The following N4BP1 variants were observed in gnomAD, a reference collection of about 807,000 sequenced individuals.
N4BP1 encodes the protein NEDD4 binding protein 1, also known as NEDD4-binding protein 1.
A neutral mutation model predicts 70.9 loss-of-function variants in N4BP1; 21 were observed. The observed-to-expected ratio is 0.30, with a 90% CI of 0.21 to 0.43. N4BP1 has a LOEUF of 0.43. Among genes scored for constraint, N4BP1 ranks in the 20% least tolerant of loss-of-function variants. The pLI is 1.00. For missense variants in N4BP1, 936 were observed against 1,069.4 expected (o/e 0.88, Z 1.74); for synonymous variants, 387 against 394.6 (o/e 0.98, Z 0.23).
intron 1 of N4BP1, among the ~76,000 whole-genome samples, chr16:48,588,500 G>A (rs1754236746): frequency 6.6e-6 from 1 of 151,976 alleles, no homozygotes; most frequent in African/African-American, 2.4e-5. Context: ...TCACCATATT[G>A]GCCAGGCTGG....
At chr16:48,600,573 T>C (rs1964479789) in intron 1 of N4BP1, 2 of 570,820 alleles carry the variant, frequency 3.5e-6, no homozygotes, top group Admixed American at 2.0e-5. Context: ...TGAGTTCCTC[T>C]TGCAGGCAAA....
At chr16:48,606,594 A>T (rs1260817638) in intron 1 of N4BP1, among the ~76,000 whole-genome samples, 1 of 152,170 alleles carries the variant, frequency 6.6e-6, no homozygotes, top group Non-Finnish European at 1.5e-5. Context: ...CCTTTAACAA[A>T]AGTGGTCACT....
At chr16:48,568,838 C>T (rs533291422) in intron 1 of N4BP1, among the ~76,000 whole-genome samples, 53 of 152,324 alleles carry the variant, frequency 3.5e-4, no homozygotes, top group African/African-American at 1.2e-3. Context: ...CAGTTTTCAG[C>T]AGTGTGCTTT....
intron 1 of N4BP1, among the ~76,000 whole-genome samples, chr16:48,608,429 G>T (rs1964619587): frequency 2.0e-5 from 3 of 152,286 alleles, no homozygotes; most frequent in African/African-American, 7.2e-5. Context: ...CGACTACTCA[G>T]ATTCAAGGAC....
intron 1 of N4BP1, among the ~76,000 whole-genome samples, chr16:48,585,403 A>G: frequency 6.6e-6 from 1 of 151,910 alleles, no homozygotes; most frequent in Non-Finnish European, 1.5e-5. Context: ...TTGGGAGGCT[A>G]AGGCAGGAGG....
In N4BP1 at chr16:48,544,192, T is replaced by C. The variant is rs1034881902; in HGVS notation, c.2334-931A>G. On this transcript the variant is annotated intron_variant, in intron 6 of 6. Transcript: ENST00000262384. ...TCATGTGGGTAGAAAAGCATGGCAT[T>C]TGGGAATTAAGTCCTCGTCTGTGTC... 2.0e-5 allele frequency among the ~76,000 whole-genome samples: 3 copies of C among 152,172 alleles called. No individual in the cohort carries two copies. In the East Asian group the frequency reaches 5.8e-4, roughly 29 times the overall value.
intron 1 of N4BP1, among the ~76,000 whole-genome samples, chr16:48,587,870 AG>A (rs1362336929): frequency 1.3e-5 from 2 of 152,192 alleles, no homozygotes; most frequent in Non-Finnish European, 2.9e-5. Flanking sequence ...ATTCCTGGAA[AG>A]TCAGAAATTT....
chr16:48,608,554 TC>T (rs1964622131), intron 1 of N4BP1, among the ~76,000 whole-genome samples: 1 of 151,926 alleles, frequency 6.6e-6, no homozygotes, highest in Non-Finnish European at 1.5e-5. Flanking sequence ...GGAAACAAAC[TC>T]CCTAGGTCTG....
chr16:48,545,192 T>C (rs1339856984), intron 6 of N4BP1, among the ~76,000 whole-genome samples: 1 of 151,668 alleles, frequency 6.6e-6, no homozygotes, highest in African/African-American at 2.4e-5. Flanking sequence ...CTCGAACTCC[T>C]GACCTCAAGT....
At chr16:48,551,775 T>C (rs1023087720) in intron 3 of N4BP1, among the ~76,000 whole-genome samples, 3 of 152,140 alleles carry the variant, frequency 2.0e-5, no homozygotes, top group African/African-American at 7.2e-5. Flanking sequence ...TCCCAGCACT[T>C]TGGGAGGCTG....
intron 1 of N4BP1, among the ~76,000 whole-genome samples, chr16:48,605,880 G>T (rs1964572916): frequency 6.6e-6 from 1 of 152,166 alleles, no homozygotes; most frequent in Non-Finnish European, 1.5e-5. Context: ...AATCTGTGAT[G>T]CAACTGCCCT....
intron 3 of N4BP1, among the ~76,000 whole-genome samples, chr16:48,552,590 C>G (rs188434107): frequency 4.0e-5 from 6 of 150,740 alleles, no homozygotes; most frequent in Non-Finnish European, 7.4e-5. Flanking sequence ...CCCAGCTACT[C>G]GGGAGGCTGA....
chr16:48,567,341 G>T (rs1963957442), intron 1 of N4BP1, among the ~76,000 whole-genome samples: 1 of 152,108 alleles, frequency 6.6e-6, no homozygotes, highest in African/African-American at 2.4e-5. Flanking sequence ...GTGAGACAGA[G>T]TCTTGCTCTG....
chr16:48,545,415 A>G (rs1290806815), intron 6 of N4BP1, among the ~76,000 whole-genome samples: 2 of 151,524 alleles, frequency 1.3e-5, no homozygotes, highest in Non-Finnish European at 2.9e-5. Flanking sequence ...GCTAAAAAAA[A>G]AAAATACAAA....
chr16:48,576,142 C>A (rs1483809920), intron 1 of N4BP1, among the ~76,000 whole-genome samples: 1 of 151,620 alleles, frequency 6.6e-6, no homozygotes, highest in East Asian at 1.9e-4. Context: ...ACAGCATAAA[C>A]ATGAATTAGA....
intron 1 of N4BP1, among the ~76,000 whole-genome samples, chr16:48,563,540 G>T (rs1380903814): frequency 6.6e-6 from 1 of 151,786 alleles, no homozygotes; most frequent in African/African-American, 2.4e-5. Flanking sequence ...CATGTGCCAC[G>T]ACACCTGGCT....
At chr16:48,552,486 T>A (rs767116030) in intron 3 of N4BP1, among the ~76,000 whole-genome samples, 17 of 151,092 alleles carry the variant, frequency 1.1e-4, no homozygotes, top group Non-Finnish European at 2.2e-4. Context: ...GATAACAAGG[T>A]CAGGAGTTCG....
At chr16:48,600,586 G>A in intron 1 of N4BP1, 1 of 560,448 alleles carries the variant, frequency 1.8e-6, no homozygotes, top group Non-Finnish European at 3.5e-6. Flanking sequence ...CAGGCAAAGG[G>A]AAGCAGTTGG....
chr16:48,600,541 C>A, intron 1 of N4BP1: 1 of 584,602 alleles, frequency 1.7e-6, no homozygotes, highest in South Asian at 1.4e-5. Context: ...TCAAACAGGT[C>A]AAGCAAAACA....
Sources: gnomAD v4.1 joint callset for allele counts (sites outside exome capture counted in the v4.1 genomes callset) on GRCh38, gnomAD v4.1.1 for gene constraint, MANE v1.5 for transcripts, NCBI Gene and HGNC (gene_info 2026-07-23, HGNC 2026-07-21) for gene names.